The following MYO5B variants were observed in gnomAD, a reference collection of about 807,000 sequenced individuals.
The protein encoded by MYO5B is unconventional myosin-Vb.
In MYO5B, 143 loss-of-function variants were observed where a neutral mutation model predicts 229.3. The observed-to-expected ratio is 0.62, with a 90% CI of 0.54 to 0.72. The LOEUF (loss-of-function observed/expected upper bound fraction) is 0.72, where lower values mean the gene tolerates loss of function less well. Ranked by LOEUF, MYO5B falls within the 30% of genes least tolerant of loss-of-function variation. The pLI is 0.00. For missense variants in MYO5B, 2,321 were observed against 2,331.0 expected, an observed-to-expected ratio of 1.00 and a Z score of 0.09; for synonymous variants, 918 against 885.2, an observed-to-expected ratio of 1.04 and a Z score of -0.66.
chr18:49,900,795 C>A (rs2024832192), intron 21 of MYO5B, among the ~76,000 whole-genome samples: 1 of 152,198 alleles, frequency 6.6e-6, no homozygotes, highest in Non-Finnish European at 1.5e-5. Flanking sequence ...CACCTCTACA[C>A]CCTGCATGGA....
intron 1 of MYO5B, among the ~76,000 whole-genome samples, chr18:50,093,372 G>T (rs1250991116): frequency 6.6e-6 from 1 of 152,180 alleles, no homozygotes; most frequent in Non-Finnish European, 1.5e-5. Flanking sequence ...CTCTCCTACA[G>T]TAACACTAGC....
chr18:49,881,695 G>A (rs541213728), intron 22 of MYO5B, among the ~76,000 whole-genome samples: 93 of 103,716 alleles, frequency 9.0e-4, no homozygotes, highest in African/African-American at 1.2e-3. Flanking sequence ...CCAGCTACTC[G>A]GGAGGCTGAG....
chr18:49,961,945 G>C (rs1459037621), intron 12 of MYO5B, among the ~76,000 whole-genome samples: 3 of 152,198 alleles, frequency 2.0e-5, no homozygotes, highest in Admixed American at 1.3e-4. Context: ...ATGCCCATTA[G>C]ATGTTGCAGT....
chr18:50,125,824 TA>T (rs1386219054), intron 1 of MYO5B, among the ~76,000 whole-genome samples: 3 of 152,166 alleles, frequency 2.0e-5, no homozygotes, highest in African/African-American at 7.2e-5. Context: ...TTATTAGCCT[TA>T]AAAGGGAAGG....
At chr18:50,139,495 C>G (rs1237917072) in intron 1 of MYO5B, among the ~76,000 whole-genome samples, 1 of 152,170 alleles carries the variant, frequency 6.6e-6, no homozygotes, top group Non-Finnish European at 1.5e-5. Context: ...CTTTTAAAGT[C>G]AGCTTTCTTC....
intron 4 of MYO5B, among the ~76,000 whole-genome samples, chr18:50,018,890 G>C (rs578113262): frequency 2.0e-5 from 3 of 152,200 alleles, no homozygotes; most frequent in African/African-American, 4.8e-5. Flanking sequence ...GAAGAAAAAA[G>C]AAAAGTAGCT....
At chr18:49,994,253 T>C (rs544994512) in intron 5 of MYO5B, among the ~76,000 whole-genome samples, 3 of 152,204 alleles carry the variant, frequency 2.0e-5, no homozygotes, top group Non-Finnish European at 4.4e-5. Context: ...GCAAAGATTA[T>C]ACATCTGCTT....
rs1223384739 is a variant in MYO5B at position 49,853,329 on chromosome 18, G to T, written c.4221+120C>A. 7.1e-6 allele frequency: 7 copies of T among 987,882 alleles called. No homozygotes were observed. The African/African-American group carries it at 9.6e-5, about 14-fold the overall frequency. 61.2% of individuals were successfully genotyped at this position (987,882 alleles called of 1,614,324 possible). ...TTGACCGGAGACTTCTAGAATCTCT[G>T]TTCCTACTATAGGGCCAAGGGTCAT... On this transcript the variant is annotated intron_variant, in intron 31 of 39. Coordinates refer to ENST00000285039, the MANE Select transcript of MYO5B (RefSeq NM_001080467.3).
intron 8 of MYO5B, 95 bp from the exon 9 acceptor site, chr18:49,980,648 G>C: frequency 1.1e-6 from 1 of 903,638 alleles, no homozygotes; most frequent in Non-Finnish European, 1.8e-6. Flanking sequence ...TTTTAATAAG[G>C]TTTGATTTTT....
rs2144281393 is a variant in MYO5B, at chr18:49,974,352, A to G, written c.1320T>C (p.Tyr440=). Residue 440 remains tyrosine (Y), a splice_region_variant and synonymous_variant, in exon 10 of 40, where the codon TAT becomes TAC. Transcript: ENST00000285039. The part of the protein sequence containing the change: ...QHSFIGVLDI[Y]GFETFEVNSF... ...AGCGAGACAGGCGGCAGGCCTACCC[A>G]TAGATGTCCAGGACCCCGATGAAGG... The G allele has an allele frequency of 6.2e-7, 1 of 1,614,168 alleles. No individual in the cohort carries two copies. Among genetic ancestry groups the G allele is most frequent in the Non-Finnish European group, 8.5e-7 (1 of 1,180,016 alleles).
At chr18:50,003,221 T>C (rs2144330140) in intron 4 of MYO5B, among the ~76,000 whole-genome samples, 1 of 152,246 alleles carries the variant, frequency 6.6e-6, no homozygotes, top group East Asian at 1.9e-4. Flanking sequence ...CCTGAGTGGA[T>C]GTGGGTGGCT....
intron 17 of MYO5B, among the ~76,000 whole-genome samples, chr18:49,912,831 G>C (rs1191180695): frequency 6.6e-6 from 1 of 152,222 alleles, no homozygotes; most frequent in African/African-American, 2.4e-5. Context: ...CAAGCATGCA[G>C]TGCTCCACTC....
intron 22 of MYO5B, among the ~76,000 whole-genome samples, chr18:49,882,356 TG>T (rs2024596658): frequency 3.2e-4 from 2 of 6,270 alleles, no homozygotes; most frequent in South Asian, 6.5e-3. Context: ...CCAGGTACCG[TG>T]CGTGGCTCAC....
At chr18:50,111,532 A>T (rs1195934165) in intron 1 of MYO5B, among the ~76,000 whole-genome samples, 1 of 152,222 alleles carries the variant, frequency 6.6e-6, no homozygotes, top group East Asian at 1.9e-4. Flanking sequence ...TTCCTTGGGT[A>T]AATTTAGATA....
chr18:50,121,103 G>A (rs1166422783), intron 1 of MYO5B, among the ~76,000 whole-genome samples: 3 of 152,198 alleles, frequency 2.0e-5, no homozygotes, highest in African/African-American at 4.8e-5. Flanking sequence ...CTCAGTCCTC[G>A]AGGCCTAGTG....
At chr18:50,094,150 A>C (rs1339735899) in intron 1 of MYO5B, among the ~76,000 whole-genome samples, 1 of 152,198 alleles carries the variant, frequency 6.6e-6, no homozygotes, top group Non-Finnish European at 1.5e-5. Context: ...ACAGTCTTCC[A>C]TGGGAATCCT....
At chr18:50,173,314 G>A (rs961170461) in intron 1 of MYO5B, among the ~76,000 whole-genome samples, 3 of 151,970 alleles carry the variant, frequency 2.0e-5, no homozygotes, top group African/African-American at 7.2e-5. Context: ...GCGGATGGAT[G>A]CAGCAGGTAA....
chr18:50,163,833 G>A (rs554793372), intron 1 of MYO5B, among the ~76,000 whole-genome samples: 124 of 152,312 alleles, frequency 8.1e-4, no homozygotes, highest in African/African-American at 2.8e-3. Flanking sequence ...AGTAACAAAA[G>A]AGGAGAAAGC....
At chr18:50,046,328 G>T (rs966899395) in intron 2 of MYO5B, among the ~76,000 whole-genome samples, 3 of 152,196 alleles carry the variant, frequency 2.0e-5, no homozygotes, top group Non-Finnish European at 4.4e-5. Flanking sequence ...CCTAGGCTTT[G>T]CCTTTTAAGT....
Sources: gnomAD v4.1 joint callset for allele counts (sites outside exome capture counted in the v4.1 genomes callset) on GRCh38, gnomAD v4.1.1 for gene constraint, MANE v1.5 for transcripts, NCBI Gene and HGNC (gene_info 2026-07-23, HGNC 2026-07-21) for gene names.